The following PRRT1B variants were observed in gnomAD, a reference collection of about 807,000 sequenced individuals.
PRRT1B encodes the protein dispanin subfamily D member 2.
chr9:131,554,990 C>G, exon 2 of PRRT1B: 1 of 394,084 alleles, frequency 2.5e-6, no homozygotes. Context: ...CGCCCGCGCT[C>G]TTCTCGCCGC....
Position 131,551,212 on chromosome 9 carries a change from G to A in PRRT1B, c.26-3345G>A, listed in dbSNP as rs756932166. ...CCGCTTCAGCCTCCCAAAATGCTGG[G>A]ATTACGGGTGTGAGCCACCGCGCCC... is the stretch of plus-strand genomic sequence containing the variant. On this transcript the variant is annotated intron_variant, in intron 1 of 3. Transcript: ENST00000636672. This position sits in a 1 kb window ranked among gnomAD's most constrained non-coding sequence, Gnocchi z 4.4. Among the ~76,000 whole-genome samples the A allele has an allele frequency of 4.6e-5, 7 of 151,920 alleles. No homozygotes were observed. The highest frequency in any genetic ancestry group is 1.0e-4 in the Non-Finnish European group (7 of 68,012).
intron 1 of PRRT1B, among the ~76,000 whole-genome samples, chr9:131,552,839 A>ATTTTTTTTTTT (rs61662684): frequency 2.2e-5 from 3 of 133,798 alleles, no homozygotes; most frequent in Non-Finnish European, 3.2e-5. Flanking sequence ...CACCTGGTTA[A>ATTTTTTTTTTT]TTTTTTTTTT....
At chr9:131,558,401 GC>G in exon 4 of PRRT1B, 1 of 389,590 alleles carries the variant, frequency 2.6e-6, no homozygotes, top group Non-Finnish European at 4.5e-6. Context: ...TCCACAGGTG[GC>G]CCACTGGAGC....
chr9:131,556,669 G>T (rs1249464432), intron 3 of PRRT1B, among the ~76,000 whole-genome samples: 1 of 150,202 alleles, frequency 6.7e-6, no homozygotes, highest in Non-Finnish European at 1.5e-5. Flanking sequence ...GTCTTGCTCT[G>T]TTGCCAGGCT....
rs1320824217 is a variant in PRRT1B, at chr9:131,550,652, G to A, written c.26-3905G>A. ...GAATTCTTATGCAAGAGTCGGGACT[G>A]CGCCCCGTAGCCTTTCTGTCCAAAC... On this transcript the variant is annotated intron_variant, in intron 1 of 3. Coordinates refer to ENST00000636672, the Ensembl canonical transcript of PRRT1B. Among the ~76,000 whole-genome samples, 10 of 152,250 alleles carry A rather than the reference G, an allele frequency of 6.6e-5. No homozygotes were observed. The East Asian group carries it at 1.9e-3, about 29-fold the overall frequency.
intron 3 of PRRT1B, among the ~76,000 whole-genome samples, chr9:131,556,821 T>C (rs2132013407): frequency 6.6e-6 from 1 of 152,158 alleles, no homozygotes; most frequent in South Asian, 2.1e-4. Context: ...TTAGTAGAGA[T>C]GAGGTTTCGC....
At chr9:131,558,138 T>G in exon 4 of PRRT1B, 1 of 401,028 alleles carries the variant, frequency 2.5e-6, no homozygotes, top group Non-Finnish European at 4.4e-6. Context: ...TTCAGCCTGC[T>G]CTTCGGGGTC....
Position 131,551,104 on chromosome 9 carries a change from C to T in PRRT1B, c.26-3453C>T, listed in dbSNP as rs576534368. On this transcript the variant is annotated intron_variant, in intron 1 of 3. Coordinates refer to ENST00000636672, the Ensembl canonical transcript of PRRT1B. This position sits in a 1 kb window ranked among gnomAD's most constrained non-coding sequence, Gnocchi z 4.4. ...ACTACAGGCACCCGCCACCATGCTC[C>T]GCTAATTTTTTGTATTTTTAGTAGA... Among the ~76,000 whole-genome samples, 6 of 151,698 alleles carry T rather than the reference C, an allele frequency of 4.0e-5. No individual in the cohort carries two copies. The highest frequency in any genetic ancestry group is 2.1e-4 in the South Asian group (1 of 4,794).
rs181377725 is a variant in PRRT1B at position 131,552,657 on chromosome 9, G to C, written c.26-1900G>C. Among the ~76,000 whole-genome samples the C allele has an allele frequency of 1.1e-4, 17 of 149,060 alleles. No individual in the cohort carries two copies. The East Asian group carries it at 1.2e-3, about 10-fold the overall frequency. ...TTTGTCTCCTGCACATGCAGTTTGG[G>C]GGGGAGCCCAACCTCTAAGGTTTTT... On this transcript the variant is annotated intron_variant, in intron 1 of 3. Transcript: ENST00000636672.
chr9:131,555,008 G>T, exon 2 of PRRT1B: 1 of 393,176 alleles, frequency 2.5e-6, no homozygotes, highest in Non-Finnish European at 4.5e-6. Flanking sequence ...CGCCCGCCGG[G>T]GCCGCCTTCC....
In PRRT1B at chr9:131,551,564, C is replaced by G. The variant is rs1255471257; in HGVS notation, c.26-2993C>G. On this transcript the variant is annotated intron_variant, in intron 1 of 3. Coordinates refer to ENST00000636672, the Ensembl canonical transcript of PRRT1B. This position sits in a 1 kb window ranked among gnomAD's most constrained non-coding sequence, Gnocchi z 4.4. Reference sequence around the variant, plus strand: ...CTGAGCCAAAGCTAAGCCATCATATCCCCTGTGACCTGCATGTACACATCC... The same window carrying G: ...CTGAGCCAAAGCTAAGCCATCATATGCCCTGTGACCTGCATGTACACATCC... 1.3e-5 allele frequency among the ~76,000 whole-genome samples: 2 copies of G among 152,134 alleles called. No homozygotes were observed. The highest frequency in any genetic ancestry group is 4.8e-5 in the African/African-American group (2 of 41,424).
intron 1 of PRRT1B, among the ~76,000 whole-genome samples, chr9:131,547,261 G>A (rs1354357514): frequency 6.6e-6 from 1 of 151,988 alleles, no homozygotes; most frequent in East Asian, 1.9e-4. Context: ...CCTGTGAACT[G>A]CATGTACACA....
intron 1 of PRRT1B, among the ~76,000 whole-genome samples, chr9:131,550,228 T>A (rs1235733430): frequency 6.6e-6 from 1 of 152,208 alleles, no homozygotes; most frequent in Non-Finnish European, 1.5e-5. Flanking sequence ...TCATCCAAAT[T>A]GTTTTGTCTA....
intron 1 of PRRT1B, among the ~76,000 whole-genome samples, chr9:131,547,065 C>CTT (rs549825970): frequency 0.017 from 1,753 of 100,578 alleles, 227 homozygotes; most frequent in African/African-American, 0.064. Flanking sequence ...CTCCTGTTCG[C>CTT]TTTTTTTTTT....
chr9:131,548,383 G>A (rs113613764), intron 1 of PRRT1B, among the ~76,000 whole-genome samples: 2 of 151,720 alleles, frequency 1.3e-5, no homozygotes, highest in Non-Finnish European at 2.9e-5. Context: ...TTTAACTCTC[G>A]CCTGACCTAA....
intron 1 of PRRT1B, among the ~76,000 whole-genome samples, chr9:131,553,621 C>G (rs1951026479): frequency 6.6e-6 from 1 of 152,224 alleles, no homozygotes; most frequent in Non-Finnish European, 1.5e-5. Flanking sequence ...CTCCCACCCC[C>G]ACTGAGATGT....
At chr9:131,550,389 C>T (rs1397641399) in intron 1 of PRRT1B, among the ~76,000 whole-genome samples, 1 of 152,192 alleles carries the variant, frequency 6.6e-6, no homozygotes, top group Non-Finnish European at 1.5e-5. Flanking sequence ...TGGACTGACC[C>T]TGACACCCAT....
Position 131,551,754 on chromosome 9 carries a change from A to G in PRRT1B, c.26-2803A>G, listed in dbSNP as rs150989409. 0.1 allele frequency among the ~76,000 whole-genome samples: 15,429 copies of G among 149,632 alleles called. 1,117 individuals are homozygous for G. The highest frequency in any genetic ancestry group is 0.18 in the African/African-American group (7,394 of 40,500). On this transcript the variant is annotated intron_variant, in intron 1 of 3. Transcript: ENST00000636672. The surrounding 1 kb of genome is among the most constrained non-coding windows in gnomAD (Gnocchi z 4.4). ...CACCTTGTGACCCCCACTCCTGCCC[A>G]CCAGAGAACAACCCCCTTTGACTGT...
In PRRT1B at chr9:131,551,429, C is replaced by A. The variant is rs150265844; in HGVS notation, c.26-3128C>A. 6.6e-6 allele frequency among the ~76,000 whole-genome samples: 1 copy of A among 152,006 alleles called. No homozygotes were observed. Among genetic ancestry groups the A allele is most frequent in the Non-Finnish European group, 1.5e-5 (1 of 68,018 alleles). Reference sequence around the variant, plus strand: ...CGCTTGAAGCAGCCCTGAGAAACATCGCCCATTATCTCTCCATACCACCCC... The same window carrying A: ...CGCTTGAAGCAGCCCTGAGAAACATAGCCCATTATCTCTCCATACCACCCC... On this transcript the variant is annotated intron_variant, in intron 1 of 3. Transcript: ENST00000636672. This position sits in a 1 kb window ranked among gnomAD's most constrained non-coding sequence, Gnocchi z 4.4.
Sources: allele counts gnomAD v4.1 joint callset (sites outside exome capture counted in the v4.1 genomes callset), GRCh38; gene constraint gnomAD v4.1.1; non-coding constraint Gnocchi (gnomAD v3.1); transcripts MANE v1.5; gene names NCBI Gene and HGNC (gene_info 2026-07-23, HGNC 2026-07-21).